MTA3: variants seen among roughly 807,000 people sequenced by gnomAD.
MTA3 encodes metastasis-associated protein MTA3.
A neutral mutation model predicts 83.5 loss-of-function variants in MTA3; 34 were observed. The ratio of observed to expected loss-of-function variants is 0.41; its 90% CI spans 0.31 to 0.54. The LOEUF (loss-of-function observed/expected upper bound fraction) is 0.54. Ranked by LOEUF, MTA3 falls within the 20% of genes least tolerant of loss-of-function variation. MTA3 has a pLI of 0.33. For synonymous variants in MTA3, 303 were observed against 252.7 expected (o/e 1.20, Z -1.89); for missense variants, 761 against 726.4 (o/e 1.05, Z -0.55).
rs1572971988 is a variant in MTA3, at chr2:42,553,422, T to TG, written c.-140-17015_-140-17014insG. On this transcript the variant is annotated intron_variant, in intron 2 of 17. Transcript: ENST00000405592. ...CTGGGCGAGAGAGCGAGACTCCATC[T>TG]CAAAAAAAAAAAAAAATTAGGCTGG... is the stretch of plus-strand genomic sequence containing the variant. Among the ~76,000 whole-genome samples the TG allele has an allele frequency of 7.0e-3, 230 of 32,874 alleles. 1 individual carries two copies. Among genetic ancestry groups the TG allele is most frequent in the African/African-American group, 0.036 (214 of 5,876 alleles). The allele number at this position is 32,874 out of a possible 152,430, so 21.6% of individuals were successfully genotyped here.
At chr2:42,686,890 G>A (rs1271311420) in intron 9 of MTA3, among the ~76,000 whole-genome samples, 1 of 151,476 alleles carries the variant, frequency 6.6e-6, no homozygotes, top group East Asian at 2.0e-4. Context: ...AGGCTGAGAT[G>A]GGCAGATCAC....
At chr2:42,621,653 C>T (rs1156588139) in intron 4 of MTA3, among the ~76,000 whole-genome samples, 1 of 152,096 alleles carries the variant, frequency 6.6e-6, no homozygotes, top group Non-Finnish European at 1.5e-5. Context: ...GGTACACCTC[C>T]CAGACGGGGT....
intron 3 of MTA3, among the ~76,000 whole-genome samples, chr2:42,597,460 A>T (rs1216057243): frequency 7.1e-6 from 1 of 140,464 alleles, no homozygotes; most frequent in Non-Finnish European, 1.5e-5. Flanking sequence ...ATCTCGGCTC[A>T]CTGCAACCCC....
At chr2:42,728,043 C>T (rs1468226978) in intron 16 of MTA3, among the ~76,000 whole-genome samples, 1 of 152,064 alleles carries the variant, frequency 6.6e-6, no homozygotes, top group Non-Finnish European at 1.5e-5. Flanking sequence ...AATACTAGAT[C>T]TTATTCATTC....
At chr2:42,531,560 C>G (rs1030597628) in intron 2 of MTA3, among the ~76,000 whole-genome samples, 1 of 146,130 alleles carries the variant, frequency 6.8e-6, no homozygotes, top group African/African-American at 2.5e-5. Flanking sequence ...TCAAGCAATT[C>G]TCCTGCCTCA....
At chr2:42,519,787 C>T (rs1675329913) in intron 2 of MTA3, among the ~76,000 whole-genome samples, 1 of 151,930 alleles carries the variant, frequency 6.6e-6, no homozygotes, top group Admixed American at 6.6e-5. Context: ...CGGTGGCTCA[C>T]ACTTGTAATC....
chr2:42,725,835 G>A (rs572986901), intron 16 of MTA3, among the ~76,000 whole-genome samples: 2 of 152,316 alleles, frequency 1.3e-5, no homozygotes, highest in Admixed American at 1.3e-4. Flanking sequence ...GACAGCAAAG[G>A]GGAAGTGTGC....
intron 6 of MTA3, among the ~76,000 whole-genome samples, chr2:42,645,798 G>C (rs1425074537): frequency 6.6e-6 from 1 of 152,216 alleles, no homozygotes; most frequent in African/African-American, 2.4e-5. Flanking sequence ...AAAAATGCAA[G>C]TAAAGCAGCA....
chr2:42,590,875 T>G (rs934320293), intron 3 of MTA3, among the ~76,000 whole-genome samples: 1 of 152,128 alleles, frequency 6.6e-6, no homozygotes, highest in Non-Finnish European at 1.5e-5. Flanking sequence ...CCCGCCTGTT[T>G]GCTTTTTTTA....
intron 2 of MTA3, among the ~76,000 whole-genome samples, chr2:42,531,414 C>CTATTTTTT (rs1675958987): frequency 8.8e-6 from 1 of 114,200 alleles, no homozygotes; most frequent in East Asian, 2.7e-4. Flanking sequence ...TTTAAACAAT[C>CTATTTTTT]TATTTTTTTA....
intron 2 of MTA3, among the ~76,000 whole-genome samples, chr2:42,573,102 C>A (rs1034720466): frequency 6.6e-6 from 1 of 152,010 alleles, no homozygotes; most frequent in Non-Finnish European, 1.5e-5. Context: ...TTTTGTTTTC[C>A]TCCGATTTTC....
chr2:42,574,867 T>A (rs1165632589), intron 2 of MTA3, among the ~76,000 whole-genome samples: 1 of 152,218 alleles, frequency 6.6e-6, no homozygotes, highest in East Asian at 1.9e-4. Context: ...AAAAAAATTA[T>A]TTAGTCTTTG....
At chr2:42,718,708 A>T (rs1281230184) in intron 14 of MTA3, among the ~76,000 whole-genome samples, 1 of 152,050 alleles carries the variant, frequency 6.6e-6, no homozygotes, top group Non-Finnish European at 1.5e-5. Context: ...GGTTGCAGTG[A>T]GCTGAGAGCA....
chr2:42,559,912 A>C (rs965898741), intron 2 of MTA3, among the ~76,000 whole-genome samples: 1 of 150,824 alleles, frequency 6.6e-6, no homozygotes, highest in Non-Finnish European at 1.5e-5. Flanking sequence ...AAAAAAAAAA[A>C]CTCCATTGGC....
chr2:42,642,701 A>G (rs1315054991), intron 5 of MTA3, among the ~76,000 whole-genome samples: 1 of 150,358 alleles, frequency 6.7e-6, no homozygotes, highest in Non-Finnish European at 1.5e-5. Context: ...CTGGAGTGCA[A>G]TGGTGCAATC....
At chr2:42,707,867 C>T (rs1224793400) in intron 12 of MTA3, 36 bp from the exon 13 acceptor site, 1 of 1,479,122 alleles carries the variant, frequency 6.8e-7, no homozygotes, top group South Asian at 1.5e-5. Flanking sequence ...AATTAAATAG[C>T]ATTTTTCGTT....
intron 4 of MTA3, among the ~76,000 whole-genome samples, chr2:42,616,139 C>T (rs1684855519): frequency 6.6e-6 from 1 of 150,722 alleles, no homozygotes; most frequent in Non-Finnish European, 1.5e-5. Flanking sequence ...CGGCTCACTG[C>T]AACTCCGCCT....
At chr2:42,720,592 G>A (rs1667333477) in intron 15 of MTA3, among the ~76,000 whole-genome samples, 1 of 152,126 alleles carries the variant, frequency 6.6e-6, no homozygotes, top group African/African-American at 2.4e-5. Context: ...CTTGAAGAGT[G>A]CGGTCTGTAT....
At position 42,570,429 on chromosome 2, in the gene MTA3, A is replaced by T; in HGVS notation, c.29-8A>T. On this transcript the variant is annotated splice_region_variant and splice_polypyrimidine_tract_variant and intron_variant, in intron 1 of 16. Transcript: ENST00000405094. ...AAAGATTAAGTTCTGTACTTCCTTT[A>T]ATTACAGATTATGTCTACTTTGAGA... The T allele has an allele frequency of 6.7e-7, 1 of 1,502,744 alleles. No homozygotes were observed. Among genetic ancestry groups the T allele is most frequent in the Non-Finnish European group, 9.0e-7 (1 of 1,106,888 alleles). The allele number at this position is 1,502,744 out of a possible 1,614,324, so 93.1% of individuals were successfully genotyped here.
Sources: allele counts gnomAD v4.1 joint callset (sites outside exome capture counted in the v4.1 genomes callset), GRCh38; gene constraint gnomAD v4.1.1; transcripts MANE v1.5; gene names NCBI Gene and HGNC (gene_info 2026-07-23, HGNC 2026-07-21).